The following TAF12 variants were observed in gnomAD, a reference collection of about 807,000 sequenced individuals.
TAF12 encodes transcription initiation factor TFIID subunit 12.
Under a neutral mutation model 20.8 loss-of-function variants are expected in TAF12, and 3 were observed. That is an observed-to-expected ratio of 0.14 (90% CI 0.07 to 0.37). TAF12 has a LOEUF of 0.37. Among genes scored for constraint, TAF12 ranks in the 10% least tolerant of loss-of-function variants. TAF12 has a pLI of 1.00. For synonymous variants in TAF12, 69 were observed against 70.2 expected (o/e 0.98, Z 0.09); for missense variants, 131 against 197.9 (o/e 0.66, Z 2.03).
intron 4 of TAF12, 111 bp downstream of exon 4, chr1:28,613,136 C>T: frequency 1.4e-6 from 1 of 733,442 alleles, no homozygotes; most frequent in Non-Finnish European, 2.1e-6. Context: ...TACATAAATC[C>T]CAGTGCCCAA....
At chr1:28,647,853 G>A (rs1321364954), upstream of TAF12, among the ~76,000 whole-genome samples, 3 of 142,394 alleles carry the variant, frequency 2.1e-5, no homozygotes, top group Non-Finnish European at 3.0e-5. Flanking sequence ...CAGCCTGGGC[G>A]ACAGAGCGAG....
chr1:28,603,627 T>TTTCTGGAACATTCTGTGTGGCTAGCA (rs1203290026), intron 5 of TAF12, 53 bp from the exon 6 acceptor site: 26 of 1,593,054 alleles, frequency 1.6e-5, no homozygotes, highest in Non-Finnish European at 1.9e-5. Context: ...AGTCAGGAGC[T>TTTCTGGAACATTCTGTGTGGCTAGCA]TTCTGGAACA....
At position 28,617,938 on chromosome 1, in the gene TAF12, C is replaced by G. The variant is rs1453347618; in HGVS notation, c.246+15G>C. 1 of 1,613,074 alleles carries G rather than the reference C, an allele frequency of 6.2e-7. No homozygotes were observed. The highest frequency in any genetic ancestry group is 2.2e-5 in the East Asian group (1 of 44,868). ...TCTCAGGGACCAGTTTCTGGGGTAC[C>G]CAACCCCACCTTACCTCCTCCACAT... On this transcript the variant is annotated intron_variant, in intron 3 of 5. Transcript: ENST00000373824.
chr1:28,626,675 G>A (rs991854241), intron 1 of TAF12, among the ~76,000 whole-genome samples: 8 of 151,052 alleles, frequency 5.3e-5, no homozygotes, highest in African/African-American at 1.5e-4. Context: ...TTGGGAGACC[G>A]AGGCAGGCAG....
chr1:28,648,249 C>A (rs1668250151), exon 1 of TAF12: 1 of 985,336 alleles, frequency 1.0e-6, no homozygotes, highest in Non-Finnish European at 1.2e-6. Flanking sequence ...CGCCTTCTGT[C>A]GTGAGCAGTT....
intron 4 of TAF12, among the ~76,000 whole-genome samples, chr1:28,611,221 G>A (rs1666850354): frequency 1.4e-5 from 2 of 143,546 alleles, no homozygotes; most frequent in Non-Finnish European, 3.1e-5. Context: ...GGTGGGTGGG[G>A]AAGATGGGAA....
intron 1 of TAF12, among the ~76,000 whole-genome samples, chr1:28,622,890 G>A (rs2124341173): frequency 6.6e-6 from 1 of 152,086 alleles, no homozygotes; most frequent in African/African-American, 2.4e-5. Flanking sequence ...AGGCGTAGTG[G>A]CACATGCCTA....
chr1:28,603,974 G>A (rs1666585893), intron 5 of TAF12, among the ~76,000 whole-genome samples: 1 of 150,262 alleles, frequency 6.7e-6, no homozygotes, highest in Non-Finnish European at 1.5e-5. Context: ...GCATGATTTC[G>A]GCTCACTGCA....
At chr1:28,636,703 A>C (rs1214181968) in intron 1 of TAF12, among the ~76,000 whole-genome samples, 18 of 151,900 alleles carry the variant, frequency 1.2e-4, no homozygotes, top group Non-Finnish European at 1.5e-5. Context: ...TGGGAGGTTA[A>C]GGCGGGAGGA....
At chr1:28,636,089 A>G (rs1019752634) in intron 1 of TAF12, among the ~76,000 whole-genome samples, 3 of 152,182 alleles carry the variant, frequency 2.0e-5, no homozygotes, top group Admixed American at 6.6e-5. Context: ...AATAAGCTAA[A>G]AAGGATCAAT....
At chr1:28,641,941 C>T (rs1668049329) in intron 1 of TAF12, among the ~76,000 whole-genome samples, 1 of 152,134 alleles carries the variant, frequency 6.6e-6, no homozygotes, top group African/African-American at 2.4e-5. Context: ...ACCATTGCCT[C>T]ACTGTAATCC....
At position 28,603,711 on chromosome 1, in the gene TAF12, C is replaced by T. The variant is rs570562488; in HGVS notation, c.451-137G>A. ...TCAGAGACCTGCAGTCACAAGGCAT[C>T]TCAGTAGATTCCTTTTAACCAGAGA... is the stretch of plus-strand genomic sequence containing the variant. On this transcript the variant is annotated intron_variant, in intron 5 of 5. Transcript: ENST00000373824. The T allele has an allele frequency of 5.0e-6, 4 of 795,656 alleles. No individual in the cohort carries two copies. The East Asian group carries it at 1.0e-4, about 20-fold the overall frequency. 49.3% of individuals were successfully genotyped at this position (795,656 alleles called of 1,614,324 possible).
chr1:28,605,610 T>G, intron 4 of TAF12, 150 bp from the exon 5 acceptor site: 1 of 727,238 alleles, frequency 1.4e-6, no homozygotes, highest in Non-Finnish European at 2.2e-6. Flanking sequence ...AAAATGGACA[T>G]GGCTTCTCCA....
intron 3 of TAF12, among the ~76,000 whole-genome samples, chr1:28,615,339 A>T (rs1666997347): frequency 2.0e-5 from 3 of 151,914 alleles, no homozygotes; most frequent in South Asian, 4.1e-4. Context: ...CAGCAGATCA[A>T]CTCTAAAAAT....
At chr1:28,625,849 T>A (rs1057049856) in intron 1 of TAF12, among the ~76,000 whole-genome samples, 2 of 130,432 alleles carry the variant, frequency 1.5e-5, no homozygotes, top group Admixed American at 7.4e-5. Context: ...CCCCAGCTAA[T>A]TTTTTTTTTT....
chr1:28,620,085 AGTT>A (rs1406712808), intron 2 of TAF12, among the ~76,000 whole-genome samples: 32 of 152,162 alleles, frequency 2.1e-4, no homozygotes, highest in African/African-American at 7.0e-4. Flanking sequence ...GTATTTCTGA[AGTT>A]TCTGTGATGA....
At chr1:28,639,426 C>CAA (rs58772752) in intron 1 of TAF12, among the ~76,000 whole-genome samples, 13 of 89,534 alleles carry the variant, frequency 1.5e-4, no homozygotes, top group African/African-American at 1.9e-4. Context: ...CTCCGTCTCA[C>CAA]AAAAAAAAAA....
chr1:28,625,537 ATTTTTTTTTTT>A (rs753920655), intron 1 of TAF12, among the ~76,000 whole-genome samples: 1 of 133,440 alleles, frequency 7.5e-6, no homozygotes, highest in African/African-American at 2.9e-5. Flanking sequence ...CACCCAGCTA[ATTTTTTTTTTT>A]TTTTTTTTTT....
intron 3 of TAF12, among the ~76,000 whole-genome samples, chr1:28,613,607 C>G (rs1666935454): frequency 6.6e-6 from 1 of 152,186 alleles, no homozygotes; most frequent in Non-Finnish European, 1.5e-5. Flanking sequence ...TATCCCAATC[C>G]CTACCCTCCA....
Sources: gnomAD v4.1 joint callset for allele counts (sites outside exome capture counted in the v4.1 genomes callset) on GRCh38, gnomAD v4.1.1 for gene constraint, MANE v1.5 for transcripts, NCBI Gene and HGNC (gene_info 2026-07-23, HGNC 2026-07-21) for gene names.